The following SMARCA2 variants were observed in gnomAD, a reference collection of about 807,000 sequenced individuals.
The protein encoded by SMARCA2 is SWI/SNF related BAF chromatin remodeling complex subunit ATPase 2, also known as SWI/SNF-related matrix-associated actin-dependent regulator of chromatin subfamily A member 2.
A neutral mutation model predicts 199.8 loss-of-function variants in SMARCA2; 61 were observed. The ratio of observed to expected loss-of-function variants is 0.31; its 90% CI spans 0.25 to 0.38. The LOEUF (loss-of-function observed/expected upper bound fraction) is 0.38, where lower values mean the gene tolerates loss of function less well. Ranked by LOEUF, SMARCA2 falls within the 10% of genes least tolerant of loss-of-function variation. The pLI is 1.00. For missense variants in SMARCA2, 1,344 were observed against 2,012.2 expected (o/e 0.67, Z 6.35); for synonymous variants, 935 against 732.0 (o/e 1.28, Z -4.48).
At chr9:2,151,597 A>C (rs767529576) in intron 27 of SMARCA2, among the ~76,000 whole-genome samples, 2 of 152,016 alleles carry the variant, frequency 1.3e-5, no homozygotes, top group Non-Finnish European at 2.9e-5. Context: ...GGCTGGGCCC[A>C]GTGGTGCCTG....
rs754667442 is a variant in SMARCA2, at chr9:2,029,204, G to A, written c.182G>A (p.Gly61Glu). Residue 61 changes from glycine (G) to glutamate (E), a missense_variant, in exon 2 of 34, where the codon GGG (glycine) becomes GAG (glutamate). Coordinates refer to ENST00000349721, the MANE Select transcript of SMARCA2 (RefSeq NM_003070.5). ...GTCTCCCATCCTATGCCGACGATGG[G>A]GTCCACAGACTTCCCACAGGAAGGC... ...PSVSHPMPTM[G>E]STDFPQEGMH... 6.2e-7 allele frequency: 1 copy of A among 1,613,010 alleles called. No individual in the cohort carries two copies.
chr9:2,061,052 T>C (rs1403158567), intron 9 of SMARCA2, 66 bp downstream of exon 9: 1 of 1,451,770 alleles, frequency 6.9e-7, no homozygotes, highest in Non-Finnish European at 9.4e-7. Context: ...TTAAGGCGAG[T>C]ATTGCTCTTT....
rs774354241 is a variant in SMARCA2 at position 2,056,718 on chromosome 9, A to G, written c.1220A>G (p.Glu407Gly). The change falls in exon 7 of 34, where the codon GAG (glutamate) becomes GGG (glycine). Residue 407 changes from glutamate (E) to glycine (G), a missense_variant. By Grantham distance (98) the Glu-to-Gly change is moderately conservative. Around this residue, in one of 18 missense-constraint regions of SMARCA2, gnomAD observed 155 missense variants for 260.0 expected, o/e 0.60. Coordinates refer to ENST00000349721, the MANE Select transcript of SMARCA2 (RefSeq NM_003070.5). The surrounding 1 kb of genome is among the most constrained non-coding windows in gnomAD (Gnocchi z 4.0). The stretch of plus-strand genomic sequence containing the variant: ...TGCATGCGCAGGGACACGACCCTGG[A>G]GACGGCTCTCAACTCCAAAGCATAC... ...VACMRRDTTLETALNSKAYKR... is the reference protein window; with the variant it reads ...VACMRRDTTLGTALNSKAYKR... The G allele has an allele frequency of 6.2e-7, 1 of 1,614,208 alleles. No homozygotes were observed.
chr9:2,126,725 C>T (rs1310349912), intron 27 of SMARCA2, among the ~76,000 whole-genome samples: 28 of 152,220 alleles, frequency 1.8e-4, no homozygotes, highest in Non-Finnish European at 1.3e-4. Flanking sequence ...TGCATAGCAT[C>T]GCAGAGCTGC....
rs190838160 is a variant in SMARCA2, at chr9:2,052,572, G to A, written c.1047-2025G>A. 1.8e-4 allele frequency among the ~76,000 whole-genome samples: 27 copies of A among 152,312 alleles called. No homozygotes were observed. The East Asian group carries it at 2.5e-3, about 14-fold the overall frequency. On this transcript the variant is annotated intron_variant, in intron 5 of 33. Transcript: ENST00000349721. ...CATTTAATAAATTAGAACGAATAAC[G>A]TGCGTATAGCAAATAAAACAAGAAT...
At chr9:2,101,644 A>G in intron 22 of SMARCA2, 28 bp downstream of exon 22, 2 of 1,286,492 alleles carry the variant, frequency 1.6e-6, no homozygotes, top group East Asian at 2.4e-5. Flanking sequence ...TTTTCTTTTA[A>G]AAAAAAATGT....
intron 25 of SMARCA2, among the ~76,000 whole-genome samples, chr9:2,116,386 G>A (rs1238116954): frequency 1.3e-5 from 2 of 152,148 alleles, no homozygotes; most frequent in African/African-American, 2.4e-5. Context: ...AAAATCAGCC[G>A]GACGAGACAA....
chr9:2,032,707 G>T, intron 2 of SMARCA2: 2 of 347,600 alleles, frequency 5.8e-6, no homozygotes, highest in Non-Finnish European at 1.0e-5. Context: ...TGCCTGTTCT[G>T]ATATTACAAA....
rs1822660780 is a variant in SMARCA2 at position 2,104,356 on chromosome 9, G to A, written c.3292+187G>A. ...CTTTAAATAAGCTGACCTCATTTGTGCAGCTGCATAGCCCACAAATAAACC... is the reference window on the plus strand; with the variant it reads ...CTTTAAATAAGCTGACCTCATTTGTACAGCTGCATAGCCCACAAATAAACC... On this transcript the variant is annotated intron_variant, in intron 23 of 33. Transcript: ENST00000349721. The surrounding 1 kb of genome is among the most constrained non-coding windows in gnomAD (Gnocchi z 4.0). 6.6e-6 allele frequency among the ~76,000 whole-genome samples: 1 copy of A among 152,124 alleles called. No individual in the cohort carries two copies. Among genetic ancestry groups the A allele is most frequent in the Non-Finnish European group, 1.5e-5 (1 of 68,026 alleles).
intron 17 of SMARCA2, 29 bp downstream of exon 17, chr9:2,084,225 T>A: frequency 8.4e-7 from 1 of 1,196,096 alleles, no homozygotes; most frequent in Non-Finnish European, 1.2e-6. Context: ...ATTTTCTCTC[T>A]AATTAGGACC....
chr9:2,139,622 C>G (rs1037462065), intron 27 of SMARCA2, among the ~76,000 whole-genome samples: 1 of 150,926 alleles, frequency 6.6e-6, no homozygotes, highest in African/African-American at 2.4e-5. Flanking sequence ...TTCTATTTTT[C>G]TCCATTTTTA....
At chr9:2,176,458 G>C (rs1044426355) in intron 29 of SMARCA2, among the ~76,000 whole-genome samples, 2 of 152,064 alleles carry the variant, frequency 1.3e-5, no homozygotes, top group African/African-American at 4.8e-5. Flanking sequence ...ATTGAGCTGA[G>C]TGAACCCTTT....
In SMARCA2 at chr9:2,056,513, G is replaced by A. The variant is rs1046714633; in HGVS notation, c.1174-159G>A. On this transcript the variant is annotated intron_variant, in intron 6 of 33. Transcript: ENST00000349721. This position sits in a 1 kb window ranked among gnomAD's most constrained non-coding sequence, Gnocchi z 4.0. ...TGAAAATATTGCATACATTTGGCAT[G>A]ATTTTAGTTCCTTCATTTAATACAA... Among the ~76,000 whole-genome samples the A allele has an allele frequency of 1.3e-5, 2 of 152,206 alleles. No homozygotes were observed. The highest frequency in any genetic ancestry group is 4.8e-5 in the African/African-American group (2 of 41,448).
chr9:2,176,981 C>CCAAT (rs757398630), intron 29 of SMARCA2, among the ~76,000 whole-genome samples: 1 of 152,216 alleles, frequency 6.6e-6, no homozygotes, highest in East Asian at 1.9e-4. Flanking sequence ...GGAATTATCA[C>CCAAT]CAATCAATAC....
chr9:2,080,931 A>C (rs946904188), intron 14 of SMARCA2, among the ~76,000 whole-genome samples: 6 of 152,216 alleles, frequency 3.9e-5, no homozygotes, highest in Admixed American at 2.0e-4. Context: ...TATCTGCTAC[A>C]GCTCCTTGCA....
chr9:2,138,973 C>G (rs1343656220), intron 27 of SMARCA2, among the ~76,000 whole-genome samples: 1 of 152,170 alleles, frequency 6.6e-6, no homozygotes, highest in Non-Finnish European at 1.5e-5. Flanking sequence ...TAAGGGTTCC[C>G]TAGCATATCT....
At chr9:2,099,073 C>T (rs2130535265) in intron 21 of SMARCA2, among the ~76,000 whole-genome samples, 1 of 152,228 alleles carries the variant, frequency 6.6e-6, no homozygotes, top group East Asian at 1.9e-4. Flanking sequence ...TCAGATTCTT[C>T]ATGTTGTAAT....
At chr9:2,160,383 T>A (rs1825603645) in intron 27 of SMARCA2, 1 of 536,266 alleles carries the variant, frequency 1.9e-6, no homozygotes, top group Non-Finnish European at 3.3e-6. Context: ...CTTCTATGGA[T>A]TTGCACATTG....
intron 29 of SMARCA2, among the ~76,000 whole-genome samples, chr9:2,175,362 C>G (rs1241566726): frequency 6.7e-6 from 1 of 148,438 alleles, no homozygotes; most frequent in Non-Finnish European, 1.5e-5. Context: ...CGTCCTGTTT[C>G]AAGCACCTTT....
Sources: allele counts gnomAD v4.1 joint callset (sites outside exome capture counted in the v4.1 genomes callset), GRCh38; gene constraint gnomAD v4.1.1; regional missense constraint gnomAD v4.1.1; non-coding constraint Gnocchi (gnomAD v3.1); transcripts MANE v1.5; gene names NCBI Gene and HGNC (gene_info 2026-07-23, HGNC 2026-07-21).